NR4A1: variants seen among roughly 807,000 people sequenced by gnomAD.
NR4A1 encodes nuclear receptor subfamily 4immunitygroup A member 1.
A neutral mutation model predicts 47.5 loss-of-function variants in NR4A1; 24 were observed. The ratio of observed to expected loss-of-function variants is 0.50; its 90% confidence interval spans 0.37 to 0.71. The LOEUF (loss-of-function observed/expected upper bound fraction) is 0.71. Ranked by LOEUF, NR4A1 falls within the 30% of genes least tolerant of loss-of-function variation. The pLI, the probability that NR4A1 is intolerant of heterozygous loss-of-function variation, is 0.00. For missense variants in NR4A1, 669 were observed against 788.6 expected, an observed-to-expected ratio of 0.85 and a Z score of 1.82; for synonymous variants, 353 against 345.7, an observed-to-expected ratio of 1.02 and a Z score of -0.24.
At chr12:52,034,135 T>C (rs1467747038) in intron 1 of NR4A1, among the ~76,000 whole-genome samples, 1 of 152,096 alleles carries the variant, frequency 6.6e-6, no homozygotes, top group African/African-American at 2.4e-5. Flanking sequence ...ATACCTAAGG[T>C]TTGGGGGCAG....
rs45496793 is a variant in NR4A1, at chr12:52,058,973, C to T, written c.*29C>T. 0.036 allele frequency: 57,029 copies of T among 1,591,772 alleles called. 1,265 individuals carry two copies. The highest frequency in any genetic ancestry group is 0.043 in the Non-Finnish European group (50,190 of 1,164,426). On this transcript the variant is annotated 3_prime_UTR_variant, in exon 7 of 7. Coordinates refer to ENST00000394825, the MANE Select transcript of NR4A1 (RefSeq NM_173157.3). Reference sequence around the variant, plus strand: ...CTGCCTGGGAACACGTGTGCACATGCGCACTCTCATATGCCACCCCATGTG... The same window carrying T: ...CTGCCTGGGAACACGTGTGCACATGTGCACTCTCATATGCCACCCCATGTG...
chr12:52,041,279 T>C (rs183549087), intron 1 of NR4A1, among the ~76,000 whole-genome samples: 146 of 152,178 alleles, frequency 9.6e-4, no homozygotes, highest in Middle Eastern at 3.4e-3. Context: ...AAAGAGATTA[T>C]GTAATTTGCC....
chr12:52,051,949 G>A (rs1047289192), intron 1 of NR4A1, among the ~76,000 whole-genome samples: 9 of 152,286 alleles, frequency 5.9e-5, no homozygotes, highest in East Asian at 1.9e-4. Context: ...GAGCTTTGGC[G>A]CTGCTGGGAT....
intron 1 of NR4A1, among the ~76,000 whole-genome samples, chr12:52,031,778 ATTTTTT>A (rs61279135): frequency 1.6e-5 from 2 of 125,876 alleles, no homozygotes; most frequent in Non-Finnish European, 3.3e-5. Flanking sequence ...GTGATGGTTA[ATTTTTT>A]TTTTTTTTTT....
chr12:52,034,937 A>G (rs557824180), intron 1 of NR4A1, among the ~76,000 whole-genome samples: 2 of 152,258 alleles, frequency 1.3e-5, no homozygotes, highest in East Asian at 3.9e-4. Flanking sequence ...TCAAAGAGGC[A>G]CTCTCATGGC....
chr12:52,052,303 G>GAGAA (rs1939016357), intron 1 of NR4A1, among the ~76,000 whole-genome samples: 1 of 136,688 alleles, frequency 7.3e-6, no homozygotes, highest in East Asian at 2.0e-4. Flanking sequence ...GTGTGTGTGT[G>GAGAA]TGAGAGAGAG....
intron 1 of NR4A1, among the ~76,000 whole-genome samples, chr12:52,024,120 G>A (rs907351791): frequency 1.3e-5 from 2 of 152,344 alleles, no homozygotes; most frequent in Middle Eastern, 3.4e-3. Flanking sequence ...AGTGAAGAAG[G>A]ACCCTTTGTA....
intron 1 of NR4A1, chr12:52,038,658 G>A (rs954325367): frequency 9.3e-6 from 7 of 750,948 alleles, no homozygotes; most frequent in Non-Finnish European, 1.7e-5. Context: ...CTTGGATGGA[G>A]ACTTAAAAAG....
chr12:52,024,190 T>G (rs750673962), intron 1 of NR4A1, among the ~76,000 whole-genome samples: 10 of 152,220 alleles, frequency 6.6e-5, no homozygotes, highest in African/African-American at 9.6e-5. Flanking sequence ...GGCAGTCTTT[T>G]GCCTTCTGCG....
In NR4A1 at chr12:52,037,654, AAGGGTGGGGTTTGGCCCACG is replaced by A. The variant is rs972775101; in HGVS notation, c.-83-4151_-83-4132del. ...CAAGGCTTTCTCTCCCCAGTCCGCC[AAGGGTGGGGTTTGGCCCACG>A]AGGGGCGCTGGAGGTGGCCAGGCCA... On this transcript the variant is annotated intron_variant, in intron 1 of 7. Coordinates refer to the NR4A1 transcript ENST00000360284. 20 of 985,300 alleles carry A rather than the reference AAGGGTGGGGTTTGGCCCACG, an allele frequency of 2.0e-5. No individual in the cohort carries two copies. The African/African-American group carries it at 3.5e-4, about 17-fold the overall frequency. 61.0% of individuals were successfully genotyped at this position (985,300 alleles called of 1,614,324 possible).
chr12:52,043,654 C>G (rs117293367), intron 2 of NR4A1: 26 of 1,187,434 alleles, frequency 2.2e-5, no homozygotes, highest in Middle Eastern at 3.8e-4. Flanking sequence ...TGGCTCCCCC[C>G]ATCCCCAGAG....
rs1287161324 is a variant in NR4A1, at chr12:52,054,595, C to T, written c.267C>T (p.Ser89=). ...SSASSSASST[S]SSSATSPASA... Reference sequence around the variant, plus strand: ...CCTCCTCCTCGGCCTCCTCCACATCCTCGTCCTCAGCCACCTCCCCTGCCT... The same window carrying T: ...CCTCCTCCTCGGCCTCCTCCACATCTTCGTCCTCAGCCACCTCCCCTGCCT... Residue 89 remains serine (S), a synonymous_variant, in exon 2 of 7, where the codon TCC becomes TCT. Coordinates refer to ENST00000394825, the MANE Select transcript of NR4A1 (RefSeq NM_173157.3). 7 of 1,614,170 alleles carry T rather than the reference C, an allele frequency of 4.3e-6. No homozygotes were observed. The highest frequency in any genetic ancestry group is 5.9e-6 in the Non-Finnish European group (7 of 1,180,020).
intron 1 of NR4A1, chr12:52,038,846 G>T (rs1938335951): frequency 4.2e-6 from 3 of 707,104 alleles, no homozygotes; most frequent in Non-Finnish European, 5.2e-6. Flanking sequence ...GTCAGCTGAG[G>T]AGTTCAGGCC....
chr12:52,052,298 TGTGTGTGAGAGAGA>T (rs1939013149), intron 1 of NR4A1, among the ~76,000 whole-genome samples: 1 of 138,320 alleles, frequency 7.2e-6, no homozygotes, highest in African/African-American at 2.9e-5. Flanking sequence ...TGTGTGTGTG[TGTGTGTGAGAGAGA>T]GAGAGAGAGA....
At chr12:52,032,191 T>C (rs1938141956) in intron 1 of NR4A1, among the ~76,000 whole-genome samples, 1 of 152,290 alleles carries the variant, frequency 6.6e-6, no homozygotes, top group South Asian at 2.1e-4. Context: ...TGGAAGAGAT[T>C]AGTATTTGAA....
At position 52,054,317 on chromosome 12, in the gene NR4A1, C is replaced by G. The variant is rs750252756; in HGVS notation, c.-2-10C>G. The G allele has an allele frequency of 8.2e-6, 13 of 1,592,074 alleles. No individual in the cohort carries two copies. Among genetic ancestry groups the G allele is most frequent in the Non-Finnish European group, 1.1e-5 (13 of 1,166,872 alleles). On this transcript the variant is annotated splice_polypyrimidine_tract_variant and intron_variant, in intron 1 of 6. Transcript: ENST00000394825. ...CTCCTTTCCCTCCCTGGGGTCTCCT[C>G]TCTCTCCAGAGATGCCCTGTATCCA...
Position 52,034,971 on chromosome 12 carries a change from T to C in NR4A1, c.-83-6839T>C, listed in dbSNP as rs74868498. On this transcript the variant is annotated intron_variant, in intron 1 of 7. Transcript: ENST00000360284. ...GCAACCCTGTGAGATAGGTTTCTTA[T>C]CATCTTTGTGTTTGAGGTGAGGAAA... 4.1e-4 allele frequency among the ~76,000 whole-genome samples: 62 copies of C among 152,248 alleles called. No homozygotes were observed. In the East Asian group the frequency reaches 5.4e-3, roughly 13 times the overall value.
At position 52,054,858 on chromosome 12, in the gene NR4A1, T is replaced by C; in HGVS notation, c.530T>C (p.Leu177Pro). ...GGCCTGCGGGCATGGACAGAGCAGC[T>C]GCCCAAAGCCTCTGGGCCCCCACAG... is the stretch of plus-strand genomic sequence containing the variant. ...YEGLRAWTEQ[L>P]PKASGPPQPP... The change falls in exon 2 of 7, where the codon CTG (leucine) becomes CCG (proline). Residue 177 changes from leucine (L) to proline (P), a missense_variant. By Grantham distance (98) the Leu-to-Pro change is moderately conservative. Coordinates refer to ENST00000394825, the MANE Select transcript of NR4A1 (RefSeq NM_173157.3). 1 of 1,614,028 alleles carries C rather than the reference T, an allele frequency of 6.2e-7. No homozygotes were observed. The highest frequency in any genetic ancestry group is 8.5e-7 in the Non-Finnish European group (1 of 1,180,022).
chr12:52,041,748 G>T (rs1326449849), intron 1 of NR4A1: 6 of 1,256,414 alleles, frequency 4.8e-6, no homozygotes, highest in East Asian at 3.1e-5. Context: ...TGGGCATGCT[G>T]TCTCCAGGGA....
Sources: gnomAD v4.1 joint callset for allele counts (sites outside exome capture counted in the v4.1 genomes callset) on GRCh38, gnomAD v4.1.1 for gene constraint, MANE v1.5 for transcripts, NCBI Gene and HGNC (gene_info 2026-07-23, HGNC 2026-07-21) for gene names.